Variants in GULP1 observed in about 807,000 individuals in gnomAD.
The protein encoded by GULP1 is GULP PTB domain containing engulfment adaptor 1.
A neutral mutation model predicts 40.9 loss-of-function variants in GULP1; 19 were observed. The ratio of observed to expected loss-of-function variants is 0.46; its 90% CI spans 0.32 to 0.68. The LOEUF is 0.68. Among genes scored for constraint, GULP1 ranks in the 30% least tolerant of loss-of-function variants. The probability of loss-of-function intolerance (pLI) is 0.03; values close to 1 mark genes in which losing one functional copy is unlikely to be tolerated. For synonymous variants in GULP1, 119 were observed against 117.6 expected (o/e 1.01, Z -0.08); for missense variants, 312 against 362.2 (o/e 0.86, Z 1.12).
At chr2:188,359,411 A>G (rs1171254295) in intron 1 of GULP1, among the ~76,000 whole-genome samples, 1 of 152,156 alleles carries the variant, frequency 6.6e-6, no homozygotes, top group East Asian at 1.9e-4. Flanking sequence ...CAGTAAAATA[A>G]CTGACTTAAG....
intron 1 of GULP1, among the ~76,000 whole-genome samples, chr2:188,342,243 T>A (rs1574555445): frequency 6.6e-6 from 1 of 152,086 alleles, no homozygotes; most frequent in African/African-American, 2.4e-5. Flanking sequence ...GCAGGGTTGG[T>A]TTCTTCTGGA....
intron 2 of GULP1, among the ~76,000 whole-genome samples, chr2:188,460,478 G>C (rs2059613504): frequency 6.8e-6 from 1 of 146,392 alleles, no homozygotes; most frequent in Admixed American, 6.8e-5. Context: ...GTAGAATTTT[G>C]TAGGTTGATT....
At chr2:188,430,480 A>G (rs1254993064) in intron 2 of GULP1, among the ~76,000 whole-genome samples, 3 of 152,332 alleles carry the variant, frequency 2.0e-5, no homozygotes, top group Non-Finnish European at 4.4e-5. Flanking sequence ...GACCAGTACT[A>G]TGTCATAGAG....
chr2:188,588,320 T>G (rs937961568), intron 11 of GULP1: 1 of 199,120 alleles, frequency 5.0e-6, no homozygotes, highest in African/African-American at 2.4e-5. Context: ...TGTAAATGGG[T>G]AGATGAAGGA....
At chr2:188,314,850 C>G (rs2038816668) in intron 1 of GULP1, among the ~76,000 whole-genome samples, 2 of 152,140 alleles carry the variant, frequency 1.3e-5, no homozygotes, top group Admixed American at 6.6e-5. Flanking sequence ...CTATCCCCTA[C>G]TTTTGAATCA....
At chr2:188,522,033 G>A (rs909809703) in intron 4 of GULP1, among the ~76,000 whole-genome samples, 5 of 152,130 alleles carry the variant, frequency 3.3e-5, no homozygotes, top group South Asian at 2.1e-4. Flanking sequence ...CCGAGATAGC[G>A]CCACTGCACT....
At chr2:188,477,606 G>T (rs2061116861) in intron 2 of GULP1, 53 bp from the exon 3 acceptor site, 1 of 846,012 alleles carries the variant, frequency 1.2e-6, no homozygotes, top group Non-Finnish European at 1.9e-6. Context: ...TAGCAAAAGA[G>T]AGGTCAGTCA....
At chr2:188,514,618 C>A (rs1242772005) in intron 4 of GULP1, among the ~76,000 whole-genome samples, 1 of 152,116 alleles carries the variant, frequency 6.6e-6, no homozygotes, top group Non-Finnish European at 1.5e-5. Flanking sequence ...AAACATTATA[C>A]TCCTTTTTTC....
Position 188,514,082 on chromosome 2 carries a change from T to TGTGTGC in GULP1, c.91-8673_91-8672insTGTGCG, listed in dbSNP as rs766246317. 5.3e-3 allele frequency among the ~76,000 whole-genome samples: 788 copies of TGTGTGC among 149,296 alleles called. 14 individuals carry two copies. The highest frequency in any genetic ancestry group is 0.016 in the African/African-American group (661 of 40,170). On this transcript the variant is annotated intron_variant, in intron 4 of 11. Coordinates refer to ENST00000409830, the MANE Select transcript of GULP1 (RefSeq NM_016315.4). ...GTGTGTGTGTGTGTGTGTGTGTGTG[T>TGTGTGC]GCGCCCTGCCACTGGGTGGCGTCCT...
intron 1 of GULP1, among the ~76,000 whole-genome samples, chr2:188,307,240 T>G (rs2037248959): frequency 6.6e-6 from 1 of 152,176 alleles, no homozygotes; most frequent in South Asian, 2.1e-4. Context: ...GAAAATAAAT[T>G]TATACACAAT....
chr2:188,370,401 C>G (rs1271663050), intron 1 of GULP1, among the ~76,000 whole-genome samples: 1 of 152,078 alleles, frequency 6.6e-6, no homozygotes, highest in Admixed American at 6.5e-5. Flanking sequence ...CTGTTTTGAG[C>G]AAAACAATCA....
chr2:188,357,629 A>G (rs915194787), intron 1 of GULP1, among the ~76,000 whole-genome samples: 1 of 152,146 alleles, frequency 6.6e-6, no homozygotes, highest in African/African-American at 2.4e-5. Flanking sequence ...TATTACAGGA[A>G]ACAGTATAGA....
intron 1 of GULP1, among the ~76,000 whole-genome samples, chr2:188,323,830 A>G (rs2040374392): frequency 6.6e-6 from 1 of 151,848 alleles, no homozygotes; most frequent in African/African-American, 2.4e-5. Context: ...TCCTAAGGCC[A>G]ATTTCAAATT....
At chr2:188,396,312 C>T (rs2051263400) in intron 2 of GULP1, among the ~76,000 whole-genome samples, 1 of 152,222 alleles carries the variant, frequency 6.6e-6, no homozygotes, top group Non-Finnish European at 1.5e-5. Flanking sequence ...AAGATCCGAG[C>T]TGTGGTTCCC....
Position 188,458,759 on chromosome 2 carries a change from T to C in GULP1, c.-44-18900T>C, listed in dbSNP as rs558264047. ...ATAGACATCTTTTTGTGCTATCAAA[T>C]GGTAGGTCTTATTCATTCATTCTAA... is the stretch of plus-strand genomic sequence containing the variant. On this transcript the variant is annotated intron_variant, in intron 2 of 11. Coordinates refer to ENST00000409830, the MANE Select transcript of GULP1 (RefSeq NM_016315.4). Among the ~76,000 whole-genome samples, 7 of 152,238 alleles carry C rather than the reference T, an allele frequency of 4.6e-5. 1 individual carries two copies. The East Asian group carries it at 1.4e-3, about 29-fold the overall frequency.
intron 2 of GULP1, among the ~76,000 whole-genome samples, chr2:188,464,779 T>TGA (rs1232631383): frequency 6.6e-6 from 1 of 152,198 alleles, no homozygotes; most frequent in African/African-American, 2.4e-5. Flanking sequence ...CCTCACCATG[T>TGA]GGCCACTGCC....
At chr2:188,300,444 GTTA>G (rs2035935132) in intron 1 of GULP1, among the ~76,000 whole-genome samples, 1 of 151,852 alleles carries the variant, frequency 6.6e-6, no homozygotes, top group Non-Finnish European at 1.5e-5. Flanking sequence ...TATATATTTG[GTTA>G]TATGGTGTGG....
At chr2:188,432,440 A>C (rs905482948) in intron 2 of GULP1, among the ~76,000 whole-genome samples, 1 of 151,984 alleles carries the variant, frequency 6.6e-6, no homozygotes, top group African/African-American at 2.4e-5. Flanking sequence ...TATCTAAGTA[A>C]GAACCTTAAG....
intron 2 of GULP1, among the ~76,000 whole-genome samples, chr2:188,394,249 G>C (rs2050920035): frequency 6.6e-6 from 1 of 151,792 alleles, no homozygotes; most frequent in African/African-American, 2.4e-5. Flanking sequence ...ATTTTTGTCT[G>C]ATTGGGTTAA....
Sources: gnomAD v4.1 joint callset for allele counts (sites outside exome capture counted in the v4.1 genomes callset) on GRCh38, gnomAD v4.1.1 for gene constraint, MANE v1.5 for transcripts, NCBI Gene and HGNC (gene_info 2026-07-23, HGNC 2026-07-21) for gene names.